The following MROH9 variants were observed in gnomAD, a reference collection of about 807,000 sequenced individuals.
The protein encoded by MROH9 is maestro heat like repeat family member 9, also known as maestro heat-like repeat-containing protein family member 9.
MROH9 carries 92 observed loss-of-function variants against 98.2 expected under a neutral mutation model. The ratio of observed to expected loss-of-function variants is 0.94; its 90% CI spans 0.79 to 1.11. The LOEUF is 1.11. Ranked by LOEUF, MROH9 falls within the 50% of genes most tolerant of loss-of-function variation. MROH9 has a pLI of 0.00. For missense variants in MROH9, 1,057 were observed against 1,014.8 expected (o/e 1.04, Z -0.57); for synonymous variants, 397 against 368.9 (o/e 1.08, Z -0.87).
intron 10 of MROH9, among the ~76,000 whole-genome samples, chr1:170,987,064 C>A (rs962865670): frequency 1.3e-5 from 2 of 151,786 alleles, no homozygotes; most frequent in East Asian, 3.9e-4. Flanking sequence ...ACTATGTTGC[C>A]CAGGCTGGTC....
chr1:171,041,347 A>ATGTGTGTGTGTGTGTGTGTGTGTG (rs377650131), intron 20 of MROH9, among the ~76,000 whole-genome samples: 2 of 80,610 alleles, frequency 2.5e-5, no homozygotes. Context: ...GTATTCCATG[A>ATGTGTGTGTGTGTGTGTGTGTGTG]TGTGTGTGTG....
intron 15 of MROH9, among the ~76,000 whole-genome samples, chr1:171,008,834 G>A (rs1179097590): frequency 6.6e-6 from 1 of 152,118 alleles, no homozygotes; most frequent in Non-Finnish European, 1.5e-5. Context: ...ATGTTGTTAA[G>A]TGAAAATAAA....
At chr1:171,047,606 C>G (rs1285740583) in intron 20 of MROH9, among the ~76,000 whole-genome samples, 1 of 152,148 alleles carries the variant, frequency 6.6e-6, no homozygotes, top group East Asian at 1.9e-4. Flanking sequence ...ACAGCTATTT[C>G]AAATTCTCTG....
At chr1:171,014,461 T>A (rs1652263117) in intron 16 of MROH9, among the ~76,000 whole-genome samples, 1 of 119,834 alleles carries the variant, frequency 8.3e-6, no homozygotes, top group Non-Finnish European at 1.6e-5. Flanking sequence ...ATCGCCTTAC[T>A]TTTTTTTTTT....
At chr1:171,050,539 C>T (rs902762137) in intron 20 of MROH9, among the ~76,000 whole-genome samples, 4 of 152,120 alleles carry the variant, frequency 2.6e-5, no homozygotes, top group Admixed American at 2.0e-4. Flanking sequence ...TATCCTGAAA[C>T]TTTACTGAAG....
chr1:170,992,425 C>A, intron 12 of MROH9, 96 bp downstream of exon 12: 1 of 1,268,884 alleles, frequency 7.9e-7, no homozygotes, highest in Non-Finnish European at 1.1e-6. Flanking sequence ...TTTCTTAACA[C>A]AGTCCTCTTC....
chr1:170,942,400 CACACACACA>C (rs1364879904), intron 1 of MROH9, among the ~76,000 whole-genome samples: 17 of 150,282 alleles, frequency 1.1e-4, no homozygotes, highest in Non-Finnish European at 2.4e-4. Flanking sequence ...CACACACACA[CACACACACA>C]CCCTCAGAGA....
intron 16 of MROH9, among the ~76,000 whole-genome samples, chr1:171,015,459 A>G (rs139039215): frequency 8.5e-5 from 13 of 152,322 alleles, no homozygotes; most frequent in Non-Finnish European, 1.0e-4. Context: ...CATAGTCCTT[A>G]GCTCTATTTT....
At chr1:171,056,045 C>T (rs1653829257) in intron 20 of MROH9, among the ~76,000 whole-genome samples, 1 of 152,206 alleles carries the variant, frequency 6.6e-6, no homozygotes, top group Non-Finnish European at 1.5e-5. Context: ...ACCACCGGGG[C>T]CTAGGGCCTT....
chr1:170,958,031 G>C (rs567863648), intron 3 of MROH9, among the ~76,000 whole-genome samples: 5 of 151,842 alleles, frequency 3.3e-5, no homozygotes, highest in East Asian at 3.9e-4. Flanking sequence ...GGATGGTCTC[G>C]ATCTCCTGAC....
chr1:171,026,605 C>A (rs1433838579), intron 20 of MROH9, among the ~76,000 whole-genome samples: 1 of 152,082 alleles, frequency 6.6e-6, no homozygotes, highest in Admixed American at 6.6e-5. Context: ...AGAAATAATC[C>A]CTGCTATCCT....
rs1400482838 is a variant in MROH9 at position 171,024,514 on chromosome 1, A to G, written c.2028A>G (p.Leu676=). Residue 676 remains leucine, a synonymous_variant, in exon 18 of 22, where the codon CTA becomes CTG. Transcript: ENST00000367759. ...VVLEGLVPLI[L]FLEDDDKRVA... is the part of the protein sequence containing the mutation. ...TAGAAGGCTTGGTGCCCCTAATCCTATTTTTGGAGGATGATGATAAAAGAG... is the reference window on the plus strand; with the variant it reads ...TAGAAGGCTTGGTGCCCCTAATCCTGTTTTTGGAGGATGATGATAAAAGAG... 5 of 1,537,640 alleles carry G rather than the reference A, an allele frequency of 3.3e-6. No homozygotes were observed. Among genetic ancestry groups the G allele is most frequent in the East Asian group, 2.4e-5 (1 of 40,820 alleles).
chr1:171,052,888 A>G (rs1177652283), intron 20 of MROH9, among the ~76,000 whole-genome samples: 1 of 152,088 alleles, frequency 6.6e-6, no homozygotes, highest in African/African-American at 2.4e-5. Flanking sequence ...GCCACACAAA[A>G]TTCTTTGCAT....
chr1:170,943,741 T>G (rs1433196150), intron 1 of MROH9, among the ~76,000 whole-genome samples: 1 of 152,012 alleles, frequency 6.6e-6, no homozygotes, highest in Non-Finnish European at 1.5e-5. Flanking sequence ...GAAAACATTA[T>G]AGCTCAGGAG....
rs1387468976 is a variant in MROH9 at position 171,025,348 on chromosome 1, T to C, written c.2209T>C (p.Leu737=). Residue 737 remains leucine (L), a synonymous_variant, in exon 20 of 22, where the codon TTG becomes CTG. Transcript: ENST00000367759. The part of the protein sequence containing the change: ...IISHRNYITD[L]TSDTLRFLWS... Reference sequence around the variant, plus strand: ...TTCTCATAGGAACTACATTACAGATTTGACATCTGATACCTTACGATTCCT... The same window carrying C: ...TTCTCATAGGAACTACATTACAGATCTGACATCTGATACCTTACGATTCCT... The C allele has an allele frequency of 5.8e-6, 9 of 1,549,666 alleles. No homozygotes were observed. In the Admixed American group the frequency reaches 1.8e-4, roughly 30 times the overall value.
At chr1:171,027,014 G>A (rs945910043) in intron 20 of MROH9, among the ~76,000 whole-genome samples, 2 of 152,246 alleles carry the variant, frequency 1.3e-5, no homozygotes, top group African/African-American at 4.8e-5. Context: ...AACTCAGTAA[G>A]GGACAAGGAG....
intron 7 of MROH9, among the ~76,000 whole-genome samples, chr1:170,965,822 T>C (rs896685231): frequency 2.0e-5 from 3 of 152,154 alleles, no homozygotes; most frequent in African/African-American, 4.8e-5. Flanking sequence ...TTATTTATTG[T>C]TTCTTTACTA....
At position 170,958,536 on chromosome 1, in the gene MROH9, T is replaced by C. The variant is rs1487490727; in HGVS notation, c.148T>C (p.Ser50Pro). The stretch of plus-strand genomic sequence containing the variant: ...TGAATCCATGATCCTGGCTGTGAAC[T>C]CCAGGTATGATAAGCTATCATGCTC... ...SNESMILAVN[S>P]SFVDPLLQFE... The change falls in exon 4 of 22, where the codon TCC becomes CCC. Residue 50 changes from serine to proline, a missense_variant. Physicochemically the swap from Ser to Pro is moderately conservative, Grantham distance 74 (BLOSUM62 -1). Coordinates refer to ENST00000367759, the MANE Select transcript of MROH9 (RefSeq NM_001163629.2). The C allele has an allele frequency of 6.3e-7, 1 of 1,582,704 alleles. No homozygotes were observed. Among genetic ancestry groups the C allele is most frequent in the African/African-American group, 1.3e-5 (1 of 74,438 alleles).
At chr1:171,048,833 C>T in intron 20 of MROH9, among the ~76,000 whole-genome samples, 1 of 152,164 alleles carries the variant, frequency 6.6e-6, no homozygotes, top group East Asian at 1.9e-4. Context: ...GCTGGTTATT[C>T]AAGGACCAAG....
Sources: gnomAD v4.1 joint callset for allele counts (sites outside exome capture counted in the v4.1 genomes callset) on GRCh38, gnomAD v4.1.1 for gene constraint, MANE v1.5 for transcripts, NCBI Gene and HGNC (gene_info 2026-07-23, HGNC 2026-07-21) for gene names.